The following TASOR2 variants were observed in gnomAD, a reference collection of about 807,000 sequenced individuals.
TASOR2 encodes the protein protein TASOR 2.
Under a neutral mutation model 199.5 loss-of-function variants are expected in TASOR2, and 84 were observed. The observed-to-expected ratio is 0.42, with a 90% confidence interval of 0.35 to 0.50. The LOEUF (loss-of-function observed/expected upper bound fraction) is 0.50, where lower values mean the gene tolerates loss of function less well. TASOR2 is among the 20% of genes least tolerant of loss of function. TASOR2 has a pLI of 0.02. For synonymous variants in TASOR2, 1,103 were observed against 1,046.6 expected, an observed-to-expected ratio of 1.05 and a Z score of -1.04; for missense variants, 2,796 against 2,835.9, an observed-to-expected ratio of 0.99 and a Z score of 0.32.
At chr10:5,703,768 G>T (rs973924017) in intron 1 of TASOR2, among the ~76,000 whole-genome samples, 4 of 151,832 alleles carry the variant, frequency 2.6e-5, no homozygotes, top group African/African-American at 9.7e-5. Flanking sequence ...CTCCCAAAGT[G>T]CGGGATTACA....
chr10:5,726,457 T>C (rs1423462276), intron 8 of TASOR2, among the ~76,000 whole-genome samples: 1 of 152,260 alleles, frequency 6.6e-6, no homozygotes, highest in Non-Finnish European at 1.5e-5. Context: ...TTGCAGTCTT[T>C]TTAGATTCAG....
chr10:5,694,813 C>A (rs191772923), intron 1 of TASOR2, among the ~76,000 whole-genome samples: 1 of 152,200 alleles, frequency 6.6e-6, no homozygotes, highest in Non-Finnish European at 1.5e-5. Flanking sequence ...CTCCTACCCC[C>A]ATCCCAGACC....
At chr10:5,732,139 A>G (rs1035673510) in intron 11 of TASOR2, among the ~76,000 whole-genome samples, 1 of 152,282 alleles carries the variant, frequency 6.6e-6, no homozygotes, top group Admixed American at 6.5e-5. Context: ...TGGCCTAGCC[A>G]CTTAATGTAT....
Position 5,710,279 on chromosome 10 carries a change from G to A in TASOR2, c.-287-2544G>A, listed in dbSNP as rs544716167. Among the ~76,000 whole-genome samples, 1 of 152,164 alleles carries A rather than the reference G, an allele frequency of 6.6e-6. No homozygotes were observed. The highest frequency in any genetic ancestry group is 2.1e-4 in the South Asian group (1 of 4,822). On this transcript the variant is annotated intron_variant, in intron 1 of 20. Transcript: ENST00000328090. The surrounding 1 kb of genome is among the most constrained non-coding windows in gnomAD (Gnocchi z 4.6). ...TGAACCCATGAAAGATTTAAGATTA[G>A]CTATGATTTTCCAACAACTTTGTTT...
chr10:5,733,970 A>C (rs4329585), intron 11 of TASOR2, among the ~76,000 whole-genome samples: 151,669 of 152,280 alleles, frequency 1, 75,533 homozygotes, highest in East Asian at 1. Context: ...AAAACTATTC[A>C]TTTCGCTAAC....
chr10:5,712,525 A>G (rs1036084531), intron 1 of TASOR2: 7 of 1,231,428 alleles, frequency 5.7e-6, no homozygotes, highest in Non-Finnish European at 7.1e-6. Flanking sequence ...GAAAAATGAC[A>G]TTTTCTTAAA....
chr10:5,747,764 T>C (rs773989040), exon 15 of TASOR2: 2 of 1,614,130 alleles, frequency 1.2e-6, no homozygotes, highest in Admixed American at 3.3e-5. Context: ...GACTTAGGCA[T>C]AACAGAAAAA....
chr10:5,712,283 A>T, intron 1 of TASOR2: 1 of 706,080 alleles, frequency 1.4e-6, no homozygotes, highest in Non-Finnish European at 2.0e-6. Context: ...AATATTTCTT[A>T]GTTATATAGG....
chr10:5,747,975 G>T (rs1284810403), exon 15 of TASOR2: 1 of 1,613,112 alleles, frequency 6.2e-7, no homozygotes, highest in Admixed American at 1.7e-5. Flanking sequence ...CAGGAAAGGT[G>T]CAGTGCTATG....
At position 5,736,931 on chromosome 10, in the gene TASOR2, A is replaced by G. The variant is rs371528788; in HGVS notation, c.1447+1385A>G. 1.7e-4 allele frequency among the ~76,000 whole-genome samples: 26 copies of G among 152,298 alleles called. No individual in the cohort carries two copies. In the East Asian group the frequency reaches 2.9e-3, roughly 17 times the overall value. The stretch of plus-strand genomic sequence containing the variant: ...AGATGTTACTATCTCACAGAGAGTG[A>G]GAATTCAGAGAAAGAAATTGGATTG... On this transcript the variant is annotated intron_variant, in intron 12 of 20. Transcript: ENST00000328090.
chr10:5,747,490 A>G, exon 15 of TASOR2: 1 of 1,613,840 alleles, frequency 6.2e-7, no homozygotes, highest in South Asian at 1.1e-5. Context: ...AGTAGAAAAT[A>G]AGGAGAGAAA....
chr10:5,750,786 T>C lies in TASOR2; in HGVS notation c.6606+759T>C, dbSNP rs1419630618. ...GTGTATTACCTGAGTTCAAGGATCC[T>C]CATCTTTTTAACCACAGAACAACCC... On this transcript the variant is annotated intron_variant, in intron 15 of 20. Transcript: ENST00000328090. The surrounding 1 kb of genome is among the most constrained non-coding windows in gnomAD (Gnocchi z 5.4). Among the ~76,000 whole-genome samples the C allele has an allele frequency of 6.6e-6, 1 of 152,226 alleles. No homozygotes were observed. The highest frequency in any genetic ancestry group is 1.5e-5 in the Non-Finnish European group (1 of 68,040).
chr10:5,742,433 C>T lies in TASOR2; in HGVS notation c.2664C>T (p.Leu888=). Residue 888 remains leucine (L), a synonymous_variant, in exon 14 of 21, where the codon CTC becomes CTT. Coordinates refer to ENST00000328090, the Ensembl canonical transcript of TASOR2. The surrounding 1 kb of genome is among the most constrained non-coding windows in gnomAD (Gnocchi z 4.2). ...CACCACTTACCCAAGGCTTGGAACTCTGTGTACAAAATGAACAGAAAAAAA... is the reference window on the plus strand; with the variant it reads ...CACCACTTACCCAAGGCTTGGAACTTTGTGTACAAAATGAACAGAAAAAAA... The T allele has an allele frequency of 6.2e-7, 1 of 1,614,042 alleles. No homozygotes were observed. The highest frequency in any genetic ancestry group is 8.5e-7 in the Non-Finnish European group (1 of 1,180,002).
At chr10:5,739,940 T>C in exon 13 of TASOR2, 1 of 1,614,064 alleles carries the variant, frequency 6.2e-7, no homozygotes, top group Non-Finnish European at 8.5e-7. Flanking sequence ...GAGTTAAAAC[T>C]CAAAAAGGTG....
In TASOR2 at chr10:5,722,455, CA is replaced by C. The variant is rs1305426888; in HGVS notation, c.147-1215del. Among the ~76,000 whole-genome samples, 1 of 151,042 alleles carries C rather than the reference CA, an allele frequency of 6.6e-6. No homozygotes were observed. Among genetic ancestry groups the C allele is most frequent in the Non-Finnish European group, 1.5e-5 (1 of 67,748 alleles). On this transcript the variant is annotated intron_variant, in intron 6 of 20. Coordinates refer to ENST00000328090, the Ensembl canonical transcript of TASOR2. The surrounding 1 kb of genome is among the most constrained non-coding windows in gnomAD (Gnocchi z 4.0). ...TGGGCGACAGAGTGAAACCTTATCT[CA>C]AAAAAAGAAAAGAAAAAATTTCCTG...
At chr10:5,745,260 G>A (rs1214230092) in intron 14 of TASOR2, among the ~76,000 whole-genome samples, 2 of 126,308 alleles carry the variant, frequency 1.6e-5, no homozygotes, top group Non-Finnish European at 3.3e-5. Flanking sequence ...CATTGATAAA[G>A]TTTTCAATTG....
chr10:5,702,541 T>C (rs1837998178), intron 1 of TASOR2, among the ~76,000 whole-genome samples: 1 of 151,964 alleles, frequency 6.6e-6, no homozygotes. Flanking sequence ...TCTTTAAATG[T>C]TTGGTAGAAT....
At chr10:5,712,421 A>G (rs1832043879) in intron 1 of TASOR2, 1 of 1,231,148 alleles carries the variant, frequency 8.1e-7, no homozygotes, top group Non-Finnish European at 1.0e-6. Context: ...TTGAGTTCAG[A>G]CTCTCTCTTC....
chr10:5,734,814 A>G (rs1835338322), intron 11 of TASOR2, among the ~76,000 whole-genome samples: 1 of 124,716 alleles, frequency 8.0e-6, no homozygotes, highest in Admixed American at 1.1e-4. Flanking sequence ...CTCCCACCCC[A>G]GCCTCTCGAA....
Sources: allele counts gnomAD v4.1 joint callset (sites outside exome capture counted in the v4.1 genomes callset), GRCh38; gene constraint gnomAD v4.1.1; non-coding constraint Gnocchi (gnomAD v3.1); transcripts MANE v1.5; gene names NCBI Gene and HGNC (gene_info 2026-07-23, HGNC 2026-07-21).